Variants in VPS53 observed in about 807,000 individuals in gnomAD.
VPS53 encodes the protein VPS53 subunit of GARP complex, also known as vacuolar protein sorting-associated protein 53 homolog.
In VPS53, 70 loss-of-function variants were observed where a neutral mutation model predicts 107.0. That is an observed-to-expected ratio of 0.65 (90% CI 0.54 to 0.80). The LOEUF (loss-of-function observed/expected upper bound fraction) is 0.80, where lower values mean the gene tolerates loss of function less well. VPS53 is among the 30% of genes least tolerant of loss of function. VPS53 has a pLI of 0.00. For synonymous variants in VPS53, 409 were observed against 393.3 expected (o/e 1.04, Z -0.47); for missense variants, 917 against 1,049.4 (o/e 0.87, Z 1.74).
chr17:641,833 C>T (rs765102227), intron 7 of VPS53, among the ~76,000 whole-genome samples: 6 of 152,206 alleles, frequency 3.9e-5, no homozygotes, highest in Admixed American at 2.0e-4. Context: ...CTGGCATCCA[C>T]GTAAGTTCAG....
intron 4 of VPS53, among the ~76,000 whole-genome samples, chr17:670,650 A>C (rs146451699): frequency 1.4e-4 from 22 of 152,158 alleles, no homozygotes; most frequent in African/African-American, 5.1e-4. Context: ...GGTCCATCTA[A>C]TTTTGCAGTC....
intron 11 of VPS53, among the ~76,000 whole-genome samples, chr17:615,421 CCA>C (rs1200271054): frequency 6.6e-6 from 1 of 152,124 alleles, no homozygotes; most frequent in Non-Finnish European, 1.5e-5. Flanking sequence ...GGCGAGCTGG[CCA>C]CACTCTCAAG....
chr17:613,677 TCA>T (rs1263982044), intron 11 of VPS53, among the ~76,000 whole-genome samples: 2 of 150,074 alleles, frequency 1.3e-5, no homozygotes, highest in Admixed American at 1.3e-4. Context: ...AATAGTGAAT[TCA>T]CACAGTGAAA....
intron 11 of VPS53, among the ~76,000 whole-genome samples, chr17:604,396 G>A (rs931301218): frequency 6.6e-6 from 1 of 152,190 alleles, no homozygotes; most frequent in Non-Finnish European, 1.5e-5. Context: ...GTAGGAAGAA[G>A]TTGAACCTAC....
chr17:628,386 C>T (rs1401411611), intron 8 of VPS53, among the ~76,000 whole-genome samples, 155 bp from the exon 9 acceptor site: 4 of 152,192 alleles, frequency 2.6e-5, no homozygotes, highest in Admixed American at 1.3e-4. Flanking sequence ...TGTCAGTTAC[C>T]TGCTGCTCCT....
chr17:602,730 T>C (rs1218654681), intron 11 of VPS53, among the ~76,000 whole-genome samples: 2 of 152,234 alleles, frequency 1.3e-5, no homozygotes, highest in South Asian at 2.1e-4. Flanking sequence ...TGTGAAACCC[T>C]AGAAGCAGCA....
intron 13 of VPS53, among the ~76,000 whole-genome samples, chr17:571,907 C>T (rs1914139829): frequency 6.6e-6 from 1 of 152,194 alleles, no homozygotes; most frequent in Non-Finnish European, 1.5e-5. Flanking sequence ...CTCCACCTCC[C>T]AGCCGCCTGC....
At chr17:633,915 G>A (rs1261677303) in intron 7 of VPS53, among the ~76,000 whole-genome samples, 1 of 152,202 alleles carries the variant, frequency 6.6e-6, no homozygotes, top group Non-Finnish European at 1.5e-5. Context: ...GCTTCCAGAG[G>A]CTCAGGCCCC....
chr17:605,685 G>A (rs1224481342), intron 11 of VPS53, among the ~76,000 whole-genome samples: 4 of 148,520 alleles, frequency 2.7e-5, no homozygotes, highest in Non-Finnish European at 4.5e-5. Context: ...CCTGGGGTAA[G>A]AGGGGTGGCG....
At chr17:543,153 G>A (rs1009229311) in intron 17 of VPS53, among the ~76,000 whole-genome samples, 1 of 152,150 alleles carries the variant, frequency 6.6e-6, no homozygotes, top group Non-Finnish European at 1.5e-5. Flanking sequence ...TTTAATGACT[G>A]AGGAAAATGA....
intron 5 of VPS53, among the ~76,000 whole-genome samples, chr17:658,530 G>C (rs1971304707): frequency 6.6e-6 from 1 of 151,000 alleles, no homozygotes; most frequent in Non-Finnish European, 1.5e-5. Flanking sequence ...TTCGTGGATA[G>C]ATACATCCCA....
intron 4 of VPS53, among the ~76,000 whole-genome samples, chr17:682,992 C>T (rs941234399): frequency 1.5e-4 from 23 of 151,768 alleles, no homozygotes. Context: ...AATGGAAATG[C>T]TAGAAAAAAG....
intron 4 of VPS53, among the ~76,000 whole-genome samples, chr17:682,185 T>C (rs942671076): frequency 1.6e-4 from 24 of 152,132 alleles, no homozygotes; most frequent in African/African-American, 5.5e-4. Flanking sequence ...TAAACTACAC[T>C]AAAACTCAAA....
intron 4 of VPS53, among the ~76,000 whole-genome samples, chr17:664,020 G>C (rs962868121): frequency 6.6e-6 from 1 of 152,144 alleles, no homozygotes; most frequent in African/African-American, 2.4e-5. Flanking sequence ...CCTGAGAAAG[G>C]GCACACAAAT....
chr17:699,150 A>C (rs1250512682), intron 3 of VPS53, among the ~76,000 whole-genome samples, 181 bp downstream of exon 3: 2 of 152,162 alleles, frequency 1.3e-5, no homozygotes, highest in Admixed American at 1.3e-4. Context: ...CTAGGCAATG[A>C]GCAAAAATCC....
chr17:632,318 C>G (rs1180841968), intron 7 of VPS53, among the ~76,000 whole-genome samples: 2 of 152,018 alleles, frequency 1.3e-5, no homozygotes, highest in Non-Finnish European at 2.9e-5. Context: ...CTGTCCTACT[C>G]CTTGGAGTAC....
At chr17:613,483 C>T (rs1567675877) in intron 11 of VPS53, among the ~76,000 whole-genome samples, 2 of 150,014 alleles carry the variant, frequency 1.3e-5, no homozygotes, top group East Asian at 2.0e-4. Context: ...CAAATATTCA[C>T]ATAGTGAGTT....
chr17:696,463 T>A (rs543256920), intron 4 of VPS53, among the ~76,000 whole-genome samples: 1 of 152,150 alleles, frequency 6.6e-6, no homozygotes, highest in Non-Finnish European at 1.5e-5. Context: ...AATCACAGCA[T>A]TGAAGCAATT....
chr17:617,019 G>A (rs970648294), intron 11 of VPS53, among the ~76,000 whole-genome samples: 3 of 152,196 alleles, frequency 2.0e-5, no homozygotes, highest in Admixed American at 1.3e-4. Context: ...GTGAAGAATG[G>A]CTCAAAACAA....
Sources: allele counts gnomAD v4.1 joint callset (sites outside exome capture counted in the v4.1 genomes callset), GRCh38; gene constraint gnomAD v4.1.1; transcripts MANE v1.5; gene names NCBI Gene and HGNC (gene_info 2026-07-23, HGNC 2026-07-21).